The following GABRB1 variants were observed in gnomAD, a reference collection of about 807,000 sequenced individuals.
GABRB1 encodes the protein gamma-aminobutyric acid receptor subunit beta-1.
In GABRB1, 17 loss-of-function variants were observed where a neutral mutation model predicts 51.6. The ratio of observed to expected loss-of-function variants is 0.33; its 90% confidence interval spans 0.23 to 0.49. The LOEUF (loss-of-function observed/expected upper bound fraction) is 0.49. GABRB1 is among the 20% of genes least tolerant of loss of function. The pLI is 0.99. For missense variants in GABRB1, 410 were observed against 600.6 expected (o/e 0.68, Z 3.32); for synonymous variants, 247 against 218.9 (o/e 1.13, Z -1.14).
At chr4:47,245,500 G>A (rs776975363) in intron 4 of GABRB1, among the ~76,000 whole-genome samples, 1 of 152,066 alleles carries the variant, frequency 6.6e-6, no homozygotes, top group Non-Finnish European at 1.5e-5. Context: ...GTAAGGGATT[G>A]GGGAGAAGAA....
intron 3 of GABRB1, among the ~76,000 whole-genome samples, chr4:47,042,621 A>G (rs1300787745): frequency 6.6e-6 from 1 of 151,404 alleles, no homozygotes; most frequent in African/African-American, 2.4e-5. Context: ...ATTGAGTATT[A>G]CAAAGTGAAT....
intron 5 of GABRB1, among the ~76,000 whole-genome samples, chr4:47,369,145 T>C (rs1040438232): frequency 1.3e-5 from 2 of 152,138 alleles, no homozygotes; most frequent in Admixed American, 1.3e-4. Flanking sequence ...GCTCTTTGTA[T>C]TAAAACAAAA....
At chr4:47,201,226 G>T (rs1024104990) in intron 4 of GABRB1, among the ~76,000 whole-genome samples, 6 of 151,904 alleles carry the variant, frequency 3.9e-5, no homozygotes, top group African/African-American at 1.5e-4. Flanking sequence ...CTATATTTTC[G>T]AATGGAATAT....
intron 5 of GABRB1, among the ~76,000 whole-genome samples, chr4:47,385,458 G>A (rs1727759469): frequency 6.6e-6 from 1 of 152,164 alleles, no homozygotes; most frequent in East Asian, 1.9e-4. Context: ...ATGTATAGAC[G>A]ATGCAACAGG....
At chr4:47,168,839 TG>T (rs1718317801) in intron 4 of GABRB1, among the ~76,000 whole-genome samples, 1 of 152,164 alleles carries the variant, frequency 6.6e-6, no homozygotes, top group South Asian at 2.1e-4. Flanking sequence ...TTGGCAGAAT[TG>T]GTTCATTTTG....
chr4:47,269,415 T>C (rs1010740065), intron 4 of GABRB1, among the ~76,000 whole-genome samples: 2 of 152,162 alleles, frequency 1.3e-5, no homozygotes, highest in Non-Finnish European at 2.9e-5. Flanking sequence ...TTGGAGCTAA[T>C]TAAATAATGA....
intron 3 of GABRB1, among the ~76,000 whole-genome samples, chr4:47,075,775 C>T (rs1340765602): frequency 6.6e-6 from 1 of 152,152 alleles, no homozygotes; most frequent in African/African-American, 2.4e-5. Context: ...AGAGATTCGG[C>T]ACATTTATGG....
intron 3 of GABRB1, among the ~76,000 whole-genome samples, chr4:47,144,369 C>A (rs554477595): frequency 7.9e-5 from 12 of 151,974 alleles, no homozygotes; most frequent in African/African-American, 2.9e-4. Context: ...CTGAAGGCAC[C>A]AAAGTATGGT....
intron 4 of GABRB1, among the ~76,000 whole-genome samples, chr4:47,248,954 C>G (rs1278744459): frequency 6.6e-6 from 1 of 151,918 alleles, no homozygotes; most frequent in Non-Finnish European, 1.5e-5. Flanking sequence ...TTTGAAAGAA[C>G]CAGCTTTTCG....
At chr4:47,139,533 A>G (rs567932099) in intron 3 of GABRB1, among the ~76,000 whole-genome samples, 1 of 152,002 alleles carries the variant, frequency 6.6e-6, no homozygotes, top group African/African-American at 2.4e-5. Context: ...TCCCTGGAGA[A>G]CCTGACAAAA....
At chr4:47,057,614 G>C (rs1376893633) in intron 3 of GABRB1, among the ~76,000 whole-genome samples, 2 of 152,178 alleles carry the variant, frequency 1.3e-5, no homozygotes, top group African/African-American at 4.8e-5. Context: ...TAGTTATTGA[G>C]ATCTGTCAGT....
At chr4:46,999,957 T>C (rs1464811056) in intron 1 of GABRB1, among the ~76,000 whole-genome samples, 1 of 152,176 alleles carries the variant, frequency 6.6e-6, no homozygotes, top group Non-Finnish European at 1.5e-5. Flanking sequence ...TCCTGCTAAT[T>C]CCAGAATCCA....
Position 47,163,177 on chromosome 4 carries a change from T to C in GABRB1, c.461+1708T>C, listed in dbSNP as rs534530590. Among the ~76,000 whole-genome samples the C allele has an allele frequency of 7.2e-5, 11 of 152,194 alleles. No homozygotes were observed. The East Asian group carries it at 2.1e-3, about 30-fold the overall frequency. The stretch of plus-strand genomic sequence containing the variant: ...TGTTAAGACTTAGTTTTATCAGTTG[T>C]ATAGTATATCAGTTGTATAGTAATG... On this transcript the variant is annotated intron_variant, in intron 4 of 8. Transcript: ENST00000295454.
chr4:47,299,620 G>T (rs1724163777), intron 4 of GABRB1, among the ~76,000 whole-genome samples: 1 of 152,088 alleles, frequency 6.6e-6, no homozygotes, highest in Non-Finnish European at 1.5e-5. Context: ...GGAGAAATAG[G>T]AACACTTTTA....
intron 3 of GABRB1, among the ~76,000 whole-genome samples, chr4:47,065,563 T>A (rs1226972365): frequency 6.6e-6 from 1 of 152,276 alleles, no homozygotes; most frequent in Non-Finnish European, 1.5e-5. Context: ...CAGAATTGAA[T>A]TCCAATATGC....
intron 5 of GABRB1, among the ~76,000 whole-genome samples, chr4:47,327,635 A>G (rs1180149165): frequency 6.6e-6 from 1 of 152,218 alleles, no homozygotes; most frequent in African/African-American, 2.4e-5. Flanking sequence ...GATAACTTTT[A>G]ACCTAGTCCT....
chr4:47,090,253 C>G (rs568899276), intron 3 of GABRB1, among the ~76,000 whole-genome samples: 1 of 152,182 alleles, frequency 6.6e-6, no homozygotes, highest in African/African-American at 2.4e-5. Flanking sequence ...TAGAAAATGT[C>G]TAATGCAATC....
At chr4:47,231,298 ATGT>A (rs1395128132) in intron 4 of GABRB1, among the ~76,000 whole-genome samples, 2 of 152,248 alleles carry the variant, frequency 1.3e-5, no homozygotes, top group Non-Finnish European at 2.9e-5. Context: ...GCAAATAGAA[ATGT>A]TGTGCTTAAC....
At chr4:47,217,243 T>G (rs190137434) in intron 4 of GABRB1, among the ~76,000 whole-genome samples, 1 of 151,952 alleles carries the variant, frequency 6.6e-6, no homozygotes, top group African/African-American at 2.4e-5. Context: ...GACTTTCAAC[T>G]GTATCTATAG....
Sources: allele counts gnomAD v4.1 joint callset (sites outside exome capture counted in the v4.1 genomes callset), GRCh38; gene constraint gnomAD v4.1.1; transcripts MANE v1.5; gene names NCBI Gene and HGNC (gene_info 2026-07-23, HGNC 2026-07-21).